The following CRADD variants were observed in gnomAD, a reference collection of about 807,000 sequenced individuals.
The protein encoded by CRADD is death domain-containing protein CRADD.
CRADD carries 9 observed loss-of-function variants against 15.5 expected under a neutral mutation model. The ratio of observed to expected loss-of-function variants is 0.58; its 90% CI spans 0.35 to 1.01. The LOEUF (loss-of-function observed/expected upper bound fraction) is 1.01, where lower values mean the gene tolerates loss of function less well. Ranked by LOEUF, CRADD falls within the 50% of genes least tolerant of loss-of-function variation. The pLI, the probability that CRADD is intolerant of heterozygous loss-of-function variation, is 0.02. For missense variants in CRADD, 227 were observed against 250.3 expected (o/e 0.91, Z 0.63); for synonymous variants, 118 against 107.6 (o/e 1.10, Z -0.60).
At chr12:93,693,289 G>A (rs1300611134) in intron 2 of CRADD, among the ~76,000 whole-genome samples, 1 of 152,062 alleles carries the variant, frequency 6.6e-6, no homozygotes, top group Non-Finnish European at 1.5e-5. Flanking sequence ...TTAAAAGACA[G>A]GGTGTCTGAA....
At chr12:93,708,550 T>G (rs1955998758) in intron 2 of CRADD, 1 of 152,268 alleles carries the variant, frequency 6.6e-6, no homozygotes, top group Non-Finnish European at 1.5e-5. Context: ...GATATTCCCA[T>G]AGTTTGCTTT....
chr12:93,735,699 G>A (rs1273477741), intron 2 of CRADD: 1 of 152,128 alleles, frequency 6.6e-6, no homozygotes, highest in Non-Finnish European at 1.5e-5. Context: ...CCAAGAGTTT[G>A]AGCCCAGCCT....
At chr12:93,892,957 C>T (rs1391332875) in intron 2 of CRADD, among the ~76,000 whole-genome samples, 1 of 152,214 alleles carries the variant, frequency 6.6e-6, no homozygotes, top group African/African-American at 2.4e-5. Flanking sequence ...GTGGCCTTGG[C>T]TCTTCCGAAA....
intron 2 of CRADD, among the ~76,000 whole-genome samples, chr12:93,845,917 G>A (rs1308789629): frequency 1.3e-5 from 2 of 152,020 alleles, no homozygotes; most frequent in Non-Finnish European, 2.9e-5. Flanking sequence ...CTGGAACTCT[G>A]TACCCATTAA....
At chr12:93,833,589 TC>T (rs1341279233) in intron 2 of CRADD, among the ~76,000 whole-genome samples, 1 of 151,848 alleles carries the variant, frequency 6.6e-6, no homozygotes, top group Non-Finnish European at 1.5e-5. Flanking sequence ...CAAGCGACCC[TC>T]CCCCCTTGGC....
At position 93,799,013 on chromosome 12, in the gene CRADD, G is replaced by T. The variant is rs58317669; in HGVS notation, c.299-50957G>T. On this transcript the variant is annotated intron_variant, in intron 2 of 2. Transcript: ENST00000332896. Reference sequence around the variant, plus strand: ...GACTCCCAGGAACATAATTAGGAGTGGGGGAAGGGAGGAGAAGAAGGGAGG... The same window carrying T: ...GACTCCCAGGAACATAATTAGGAGTTGGGGAAGGGAGGAGAAGAAGGGAGG... Among the ~76,000 whole-genome samples, 62 of 152,176 alleles carry T rather than the reference G, an allele frequency of 4.1e-4. No homozygotes were observed. The East Asian group carries it at 7.5e-3, about 19-fold the overall frequency.
intron 2 of CRADD, among the ~76,000 whole-genome samples, chr12:93,740,066 A>C (rs1592950842): frequency 1.3e-5 from 2 of 152,228 alleles, no homozygotes; most frequent in South Asian, 4.2e-4. Context: ...TTATTGGAGG[A>C]GTTTGGCTAA....
chr12:93,839,896 G>T (rs7969006), intron 2 of CRADD, among the ~76,000 whole-genome samples: 65,888 of 151,958 alleles, frequency 0.43, 14,543 homozygotes, highest in African/African-American at 0.46. Flanking sequence ...GCAGAAATCC[G>T]TAATTTTGAT....
chr12:93,877,960 T>C (rs983705061), intron 2 of CRADD, among the ~76,000 whole-genome samples: 1 of 152,060 alleles, frequency 6.6e-6, no homozygotes, highest in Non-Finnish European at 1.5e-5. Context: ...ATGTCCTGAG[T>C]CTCACCTGAA....
At chr12:93,789,037 C>G (rs1448545320) in intron 2 of CRADD, among the ~76,000 whole-genome samples, 1 of 152,090 alleles carries the variant, frequency 6.6e-6, no homozygotes, top group Admixed American at 6.5e-5. Flanking sequence ...CCTTGGTGGT[C>G]AACCACTTCA....
rs190720461 is a variant in CRADD at position 93,706,988 on chromosome 12, G to A, written c.298+27916G>A. On this transcript the variant is annotated intron_variant, in intron 2 of 2. Transcript: ENST00000332896. ...ATTCTGTGACCTCTACAATCCAAAT[G>A]GATGCCGTGGCTTTTACTTTGGTTA... Among the ~76,000 whole-genome samples, 394 of 152,232 alleles carry A rather than the reference G, an allele frequency of 2.6e-3. 2 individuals carry two copies. Among genetic ancestry groups the A allele is most frequent in the Non-Finnish European group, 4.3e-3 (295 of 68,010 alleles).
intron 2 of CRADD, among the ~76,000 whole-genome samples, chr12:93,788,861 G>C (rs1328199148): frequency 6.6e-6 from 1 of 152,132 alleles, no homozygotes; most frequent in Non-Finnish European, 1.5e-5. Context: ...GGGCACGGGA[G>C]AGCCTTTGGG....
intron 2 of CRADD, among the ~76,000 whole-genome samples, chr12:93,840,736 T>C (rs1958037591): frequency 6.6e-6 from 1 of 151,958 alleles, no homozygotes; most frequent in Admixed American, 6.6e-5. Flanking sequence ...CTGGCTAATT[T>C]TGTAATTTTA....
chr12:93,864,653 G>T (rs1054233375), intron 2 of CRADD, among the ~76,000 whole-genome samples: 2 of 152,178 alleles, frequency 1.3e-5, no homozygotes, highest in Admixed American at 6.5e-5. Flanking sequence ...CCTGTGTCTT[G>T]TGTCCTCTTC....
chr12:93,846,781 G>A (rs1370006416), intron 2 of CRADD, among the ~76,000 whole-genome samples: 1 of 152,138 alleles, frequency 6.6e-6, no homozygotes, highest in Non-Finnish European at 1.5e-5. Flanking sequence ...TTTCCCAAAA[G>A]GAAGAAACAA....
chr12:93,714,345 G>A (rs1233244069), intron 2 of CRADD, among the ~76,000 whole-genome samples: 1 of 152,192 alleles, frequency 6.6e-6, no homozygotes, highest in Non-Finnish European at 1.5e-5. Flanking sequence ...CCGTGGGCAG[G>A]AGAAGAAAGC....
chr12:93,881,710 C>A (rs1014176220), intron 2 of CRADD, among the ~76,000 whole-genome samples: 2 of 152,140 alleles, frequency 1.3e-5, no homozygotes, highest in Non-Finnish European at 2.9e-5. Context: ...TATAAAGTTG[C>A]CCCTGAGACT....
intron 2 of CRADD, among the ~76,000 whole-genome samples, chr12:93,798,338 G>GT (rs1957443032): frequency 6.6e-6 from 1 of 152,150 alleles, no homozygotes; most frequent in Non-Finnish European, 1.5e-5. Context: ...CGGTTTTTGT[G>GT]TTTTTTTCTG....
intron 2 of CRADD, among the ~76,000 whole-genome samples, chr12:93,743,266 A>G (rs562148584): frequency 5.3e-5 from 8 of 152,232 alleles, no homozygotes; most frequent in Admixed American, 5.2e-4. Flanking sequence ...ATCTTTTTAT[A>G]ACATTTCTGC....
Sources: allele counts gnomAD v4.1 joint callset (sites outside exome capture counted in the v4.1 genomes callset), GRCh38; gene constraint gnomAD v4.1.1; transcripts MANE v1.5; gene names NCBI Gene and HGNC (gene_info 2026-07-23, HGNC 2026-07-21).